KIRREL3: variants seen among roughly 807,000 people sequenced by gnomAD.
KIRREL3 encodes kirre like nephrin family adhesion molecule 3, also known as kin of IRRE-like protein 3.
KIRREL3 carries 36 observed loss-of-function variants against 89.7 expected under a neutral mutation model. The observed-to-expected ratio is 0.40, with a 90% confidence interval of 0.31 to 0.53. The LOEUF (loss-of-function observed/expected upper bound fraction) is 0.53, where lower values mean the gene tolerates loss of function less well. Among genes scored for constraint, KIRREL3 ranks in the 20% least tolerant of loss-of-function variants. The pLI, the probability that KIRREL3 is intolerant of heterozygous loss-of-function variation, is 0.49. For missense variants in KIRREL3, 864 were observed against 1,056.6 expected, an observed-to-expected ratio of 0.82 and a Z score of 2.53; for synonymous variants, 445 against 441.4, an observed-to-expected ratio of 1.01 and a Z score of -0.10.
At chr11:126,483,717 T>G (rs1336520577) in intron 4 of KIRREL3, among the ~76,000 whole-genome samples, 5 of 152,242 alleles carry the variant, frequency 3.3e-5, no homozygotes, top group Non-Finnish European at 7.3e-5. Context: ...GTGTGACCAT[T>G]AACTCTTCTG....
At chr11:126,646,939 C>G (rs1944713884) in intron 1 of KIRREL3, among the ~76,000 whole-genome samples, 3 of 152,122 alleles carry the variant, frequency 2.0e-5, no homozygotes, top group South Asian at 2.1e-4. Flanking sequence ...TGTTGCACCA[C>G]CGATGAGCCA....
chr11:126,863,852 G>A lies in KIRREL3; in HGVS notation c.55+136603C>T, dbSNP rs896986897. Among the ~76,000 whole-genome samples the A allele has an allele frequency of 5.3e-5, 8 of 152,270 alleles. No individual in the cohort carries two copies. In the South Asian group the frequency reaches 1.0e-3, roughly 20 times the overall value. ...TATTCCTCTGCCCTGCCTCCCTCCC[G>A]TGCCAAAGCTCACACAACAAAGGTA... On this transcript the variant is annotated intron_variant, in intron 1 of 16. Transcript: ENST00000525144.
intron 1 of KIRREL3, among the ~76,000 whole-genome samples, chr11:126,809,585 C>T (rs924414925): frequency 3.3e-5 from 5 of 152,308 alleles, no homozygotes; most frequent in African/African-American, 4.8e-5. Context: ...AGACCAGTAA[C>T]TTTATTTGAG....
chr11:126,519,829 C>CA lies in KIRREL3; in HGVS notation c.433+1485dup. Among the ~76,000 whole-genome samples, 1 of 152,210 alleles carries CA rather than the reference C, an allele frequency of 6.6e-6. No homozygotes were observed. Among genetic ancestry groups the CA allele is most frequent in the Non-Finnish European group, 1.5e-5 (1 of 68,050 alleles). ...CAACCCCCACACCACATGGCAGACT[C>CA]ATTCTCATTTTAGTCACCGTCTTGG... On this transcript the variant is annotated intron_variant, in intron 4 of 16. Coordinates refer to ENST00000525144, the MANE Select transcript of KIRREL3 (RefSeq NM_032531.4). The surrounding 1 kb of genome is among the most constrained non-coding windows in gnomAD (Gnocchi z 4.3).
chr11:126,711,184 G>A (rs951040263), intron 1 of KIRREL3, among the ~76,000 whole-genome samples: 80 of 152,246 alleles, frequency 5.3e-4, no homozygotes, highest in African/African-American at 1.8e-3. Flanking sequence ...TATGGATCCA[G>A]TGGGTGGCAG....
At chr11:126,828,182 G>A (rs182274358) in intron 1 of KIRREL3, among the ~76,000 whole-genome samples, 7 of 152,330 alleles carry the variant, frequency 4.6e-5, no homozygotes, top group East Asian at 1.9e-4. Context: ...CACCCATGCT[G>A]TTTATTACTC....
intron 1 of KIRREL3, among the ~76,000 whole-genome samples, chr11:126,785,124 G>C (rs530397943): frequency 3.3e-4 from 51 of 152,282 alleles, no homozygotes; most frequent in African/African-American, 1.2e-3. Context: ...GAATCCTCGT[G>C]GGGGCAAGGG....
At position 126,780,526 on chromosome 11, in the gene KIRREL3, TG is replaced by T. The variant is rs1205162381; in HGVS notation, c.56-217615del. On this transcript the variant is annotated intron_variant, in intron 1 of 16. Coordinates refer to ENST00000525144, the MANE Select transcript of KIRREL3 (RefSeq NM_032531.4). The surrounding 1 kb of genome is among the most constrained non-coding windows in gnomAD (Gnocchi z 5.3). ...GCTTGGCTTCTTTGAAAAATGAATT[TG>T]GGGGCTGAGATTTCTCATCAGTATA... Among the ~76,000 whole-genome samples the T allele has an allele frequency of 2.6e-5, 4 of 152,172 alleles. No homozygotes were observed. In the East Asian group the frequency reaches 7.7e-4, roughly 29 times the overall value.
intron 1 of KIRREL3, among the ~76,000 whole-genome samples, chr11:126,863,611 G>A (rs1249042900): frequency 1.3e-4 from 6 of 47,124 alleles, no homozygotes; most frequent in Middle Eastern, 8.6e-3. Context: ...GTGTGTTTGC[G>A]TGCGTGTGTG....
chr11:126,442,619 A>T lies in KIRREL3; in HGVS notation c.1253-2070T>A, dbSNP rs1274802960. ...CAAGGCTGGGATTTGTCGCGATAAA[A>T]ACCTGATCTCATTTGAATGCTTTCA... On this transcript the variant is annotated intron_variant, in intron 10 of 16. Coordinates refer to ENST00000525144, the MANE Select transcript of KIRREL3 (RefSeq NM_032531.4). Among the ~76,000 whole-genome samples, 3 of 152,288 alleles carry T rather than the reference A, an allele frequency of 2.0e-5. No homozygotes were observed. The East Asian group carries it at 5.8e-4, about 29-fold the overall frequency.
In KIRREL3 at chr11:126,484,670, C is replaced by T. The variant is rs529230193; in HGVS notation, c.434-11204G>A. The stretch of plus-strand genomic sequence containing the variant: ...TGAAATTCACATTTAACAGGGAATC[C>T]TGTATTTTATCTGGCAATCCTGTAG... On this transcript the variant is annotated intron_variant, in intron 4 of 16. Transcript: ENST00000525144. The surrounding 1 kb of genome is among the most constrained non-coding windows in gnomAD (Gnocchi z 5.2). Among the ~76,000 whole-genome samples, 1 of 152,216 alleles carries T rather than the reference C, an allele frequency of 6.6e-6. No individual in the cohort carries two copies. The highest frequency in any genetic ancestry group is 2.1e-4 in the South Asian group (1 of 4,822).
rs1450318663 is a variant in KIRREL3, at chr11:126,955,589, C to T, written c.55+44866G>A. On this transcript the variant is annotated intron_variant, in intron 1 of 16. Transcript: ENST00000525144. The surrounding 1 kb of genome is among the most constrained non-coding windows in gnomAD (Gnocchi z 4.6). ...GACTTCCTTGCTGCATTCTATCTCA[C>T]TCCACCCCAATCCATTCTTTCCTTC... 6.6e-6 allele frequency among the ~76,000 whole-genome samples: 1 copy of T among 152,228 alleles called. No individual in the cohort carries two copies. Among genetic ancestry groups the T allele is most frequent in the Non-Finnish European group, 1.5e-5 (1 of 68,044 alleles).
At chr11:126,506,888 G>A (rs1326169200) in intron 4 of KIRREL3, among the ~76,000 whole-genome samples, 1 of 152,042 alleles carries the variant, frequency 6.6e-6, no homozygotes, top group African/African-American at 2.4e-5. Context: ...GCCTCCCAGA[G>A]TGCTGGGATT....
In KIRREL3 at chr11:126,989,046, G is replaced by A. The variant is rs925445930; in HGVS notation, c.55+11409C>T. Among the ~76,000 whole-genome samples, 1 of 152,162 alleles carries A rather than the reference G, an allele frequency of 6.6e-6. No individual in the cohort carries two copies. The highest frequency in any genetic ancestry group is 2.4e-5 in the African/African-American group (1 of 41,444). On this transcript the variant is annotated intron_variant, in intron 1 of 16. Coordinates refer to ENST00000525144, the MANE Select transcript of KIRREL3 (RefSeq NM_032531.4). This position sits in a 1 kb window ranked among gnomAD's most constrained non-coding sequence, Gnocchi z 6.2. ...AGGGGTCGGGGGACAGCAGGGCCAA[G>A]GTCAAACACCTCGTTGGTATAACAT...
chr11:126,733,119 C>T (rs1370244089), intron 1 of KIRREL3, among the ~76,000 whole-genome samples: 1 of 152,168 alleles, frequency 6.6e-6, no homozygotes, highest in Non-Finnish European at 1.5e-5. Context: ...TTTCTAGTCC[C>T]TTTGTTGAAA....
intron 11 of KIRREL3, chr11:126,440,140 A>G (rs1186011306): frequency 5.0e-6 from 3 of 595,148 alleles, no homozygotes; most frequent in South Asian, 1.5e-5. Context: ...AGAAGAAGTC[A>G]CTTGTCTTTT....
intron 1 of KIRREL3, among the ~76,000 whole-genome samples, chr11:126,581,824 G>C (rs1464584490): frequency 2.0e-5 from 3 of 152,124 alleles, no homozygotes; most frequent in African/African-American, 7.2e-5. Context: ...CCTCACACAC[G>C]AGAGGCTCTG....
intron 1 of KIRREL3, among the ~76,000 whole-genome samples, chr11:126,583,819 A>T (rs1371547572): frequency 3.9e-5 from 6 of 152,162 alleles, no homozygotes; most frequent in African/African-American, 9.7e-5. Flanking sequence ...TGTCTTCTCC[A>T]TTTAGAAAGT....
chr11:126,903,674 C>T lies in KIRREL3; in HGVS notation c.55+96781G>A, dbSNP rs1258750710. The stretch of plus-strand genomic sequence containing the variant: ...TGGTCTATTGGATTTATGACATGTT[C>T]AGAAGCTTGCAGTTGCAGGAGGCTG... On this transcript the variant is annotated intron_variant, in intron 1 of 16. Coordinates refer to ENST00000525144, the MANE Select transcript of KIRREL3 (RefSeq NM_032531.4). This position sits in a 1 kb window ranked among gnomAD's most constrained non-coding sequence, Gnocchi z 4.5. Among the ~76,000 whole-genome samples the T allele has an allele frequency of 6.6e-6, 1 of 152,170 alleles. No individual in the cohort carries two copies. Among genetic ancestry groups the T allele is most frequent in the African/African-American group, 2.4e-5 (1 of 41,428 alleles).
Sources: allele counts gnomAD v4.1 joint callset (sites outside exome capture counted in the v4.1 genomes callset), GRCh38; gene constraint gnomAD v4.1.1; non-coding constraint Gnocchi (gnomAD v3.1); transcripts MANE v1.5; gene names NCBI Gene and HGNC (gene_info 2026-07-23, HGNC 2026-07-21).